The following CDNF variants were observed in gnomAD, a reference collection of about 807,000 sequenced individuals.
CDNF encodes cerebral dopamine neurotrophic factor.
In CDNF, 9 loss-of-function variants were observed where a neutral mutation model predicts 14.8. The observed-to-expected ratio is 0.61, with a 90% CI of 0.37 to 1.06. CDNF has a LOEUF of 1.06. CDNF is among the 50% of genes least tolerant of loss of function. The pLI, the probability that CDNF is intolerant of heterozygous loss-of-function variation, is 0.01. For synonymous variants in CDNF, 86 were observed against 87.2 expected (o/e 0.99, Z 0.07); for missense variants, 228 against 228.4 (o/e 1.00, Z 0.01).
intron 2 of CDNF, among the ~76,000 whole-genome samples, chr10:14,825,977 G>C (rs1262031144): frequency 6.6e-6 from 1 of 150,422 alleles, no homozygotes; most frequent in African/African-American, 2.4e-5. Flanking sequence ...AAGAAAAGAA[G>C]AAGAAGGAGA....
chr10:14,836,691 G>T (rs779449901), intron 1 of CDNF, among the ~76,000 whole-genome samples: 14 of 152,226 alleles, frequency 9.2e-5, no homozygotes, highest in Admixed American at 2.6e-4. Flanking sequence ...CAGCACTTTG[G>T]GAGGCTGAGG....
intron 2 of CDNF, among the ~76,000 whole-genome samples, chr10:14,826,035 A>AGAAGG (rs1588794841): frequency 1.2e-4 from 7 of 56,882 alleles, no homozygotes; most frequent in African/African-American, 4.6e-4. Flanking sequence ...GAAGGAGAAG[A>AGAAGG]AGAAGAAGAA....
intron 1 of CDNF, among the ~76,000 whole-genome samples, chr10:14,833,440 T>C (rs1237692931): frequency 6.6e-6 from 1 of 152,178 alleles, no homozygotes; most frequent in Non-Finnish European, 1.5e-5. Context: ...ACACTGCAGA[T>C]TTTGGACTTC....
rs369180357 is a variant in CDNF, at chr10:14,828,169, G to A, written c.219C>T (p.Asp73=). Residue 73 remains aspartate (D), a synonymous_variant, in exon 2 of 4, where the codon GAC becomes GAT. Coordinates refer to ENST00000465530, the MANE Select transcript of CDNF (RefSeq NM_001029954.3). ...IEKELISFCL[D]TKGKENRLCY... is the part of the protein sequence containing the mutation. ...CCAGGCGGTTTTCTTTTCCTTTGGT[G>A]TCCAAGCAAAAACTGATCAATTCTT... 2 of 1,613,886 alleles carry A rather than the reference G, an allele frequency of 1.2e-6. No individual in the cohort carries two copies. The highest frequency in any genetic ancestry group is 8.5e-7 in the Non-Finnish European group (1 of 1,179,918).
intron 2 of CDNF, among the ~76,000 whole-genome samples, chr10:14,826,029 GAGAAGAAGAAGA>G (rs57619992): frequency 0.059 from 5,079 of 86,002 alleles, 158 homozygotes; most frequent in Non-Finnish European, 0.075. Flanking sequence ...GAAGAAGAAG[GAGAAGAAGAAGA>G]AGAAGAAGAA....
At position 14,828,672 on chromosome 10, in the gene CDNF, G is replaced by A. The variant is rs142617346; in HGVS notation, c.116-400C>T. On this transcript the variant is annotated intron_variant, in intron 1 of 3. Coordinates refer to ENST00000465530, the MANE Select transcript of CDNF (RefSeq NM_001029954.3). ...CACACAAAAAAAGAAACGTCCATAT[G>A]AGTCAATGCTTCATGACAGTGGATT... 5.3e-5 allele frequency among the ~76,000 whole-genome samples: 8 copies of A among 150,670 alleles called. No homozygotes were observed. In the East Asian group the frequency reaches 1.4e-3, roughly 26 times the overall value.
chr10:14,835,396 G>C (rs1247365661), intron 1 of CDNF, among the ~76,000 whole-genome samples: 2 of 152,134 alleles, frequency 1.3e-5, no homozygotes, highest in African/African-American at 4.8e-5. Context: ...AAGGAGAAAA[G>C]CAGTATCATG....
intron 3 of CDNF, among the ~76,000 whole-genome samples, chr10:14,825,168 G>A (rs1280891120): frequency 8.9e-3 from 1 of 112 alleles, no homozygotes; most frequent in Admixed American, 0.056. Flanking sequence ...TATTGGCCAG[G>A]CTGGTACTTG....
chr10:14,823,985 C>A (rs933885273), intron 3 of CDNF, among the ~76,000 whole-genome samples: 1 of 152,184 alleles, frequency 6.6e-6, no homozygotes, highest in African/African-American at 2.4e-5. Flanking sequence ...AACTTTCAAC[C>A]TTAAACCTAC....
At chr10:14,826,436 A>G (rs909586002) in intron 2 of CDNF, among the ~76,000 whole-genome samples, 1 of 151,556 alleles carries the variant, frequency 6.6e-6, no homozygotes, top group Admixed American at 6.6e-5. Context: ...GCAGCAGAAG[A>G]AAGAAGCAGA....
chr10:14,829,088 G>A (rs927865849), intron 1 of CDNF, among the ~76,000 whole-genome samples: 1 of 151,992 alleles, frequency 6.6e-6, no homozygotes, highest in African/African-American at 2.4e-5. Flanking sequence ...TTTAGTATTG[G>A]GCCTAAATGC....
At position 14,825,464 on chromosome 10, in the gene CDNF, G is replaced by T. The variant is rs536621261; in HGVS notation, c.385+15C>A. On this transcript the variant is annotated intron_variant, in intron 3 of 3. Coordinates refer to ENST00000465530, the MANE Select transcript of CDNF (RefSeq NM_001029954.3). ...CCATTGGACCTACTGGGAAAAACAC[G>T]GGGCTGTGTTATACCATATTTCAGC... The T allele has an allele frequency of 1.2e-6, 2 of 1,609,338 alleles. No individual in the cohort carries two copies. Among genetic ancestry groups the T allele is most frequent in the South Asian group, 2.2e-5 (2 of 90,736 alleles).
rs1833715685 is a variant in CDNF at position 14,819,252 on chromosome 10, C to T, written c.*728G>A. The T allele has an allele frequency of 6.6e-6, 1 of 152,144 alleles. No homozygotes were observed. The highest frequency in any genetic ancestry group is 6.6e-5 in the Admixed American group (1 of 15,262). The allele number at this position is 152,144 out of a possible 1,614,324, so 9.4% of individuals were successfully genotyped here. A position where few individuals can be genotyped will look rare whatever the true frequency, so the allele number is the denominator to read the frequency against. On this transcript the variant is annotated 3_prime_UTR_variant, in exon 4 of 4. Transcript: ENST00000465530. ...AAATAGCATTAACAATGGTAAAGTT[C>T]CAAGTTGCCTATGAGTGTTTTTAAT...
intron 2 of CDNF, among the ~76,000 whole-genome samples, chr10:14,826,397 AAGC>A (rs1204172867): frequency 3.2e-4 from 49 of 151,498 alleles, no homozygotes; most frequent in African/African-American, 7.6e-4. Context: ...GAAGCAGAAG[AAGC>A]AGCAGCAGCA....
intron 1 of CDNF, among the ~76,000 whole-genome samples, 191 bp downstream of exon 1, chr10:14,837,641 C>T (rs1467331857): frequency 6.6e-6 from 1 of 152,240 alleles, no homozygotes; most frequent in African/African-American, 2.4e-5. Flanking sequence ...CACAACGTGG[C>T]CTCACGTTAC....
In CDNF at chr10:14,820,011, T is replaced by C; in HGVS notation, c.533A>G (p.Tyr178Cys). The C allele has an allele frequency of 6.2e-7, 1 of 1,614,088 alleles. No homozygotes were observed. Among genetic ancestry groups the C allele is most frequent in the Non-Finnish European group, 8.5e-7 (1 of 1,180,024 alleles). The change falls in exon 4 of 4, where the codon TAT (tyrosine) becomes TGT (cysteine). Residue 178 changes from tyrosine to cysteine, a missense_variant. By Grantham distance (194) the Tyr-to-Cys change is radical. Transcript: ENST00000465530. ...CTCTGTTTTGGGGTGTGTCGCTGCA[T>C]ACTTGGGGGCCAGCTCTTGAATGAG... ...VNLIQELAPKYAATHPKTEL is the reference protein window; with the variant it reads ...VNLIQELAPKCAATHPKTEL
intron 2 of CDNF, among the ~76,000 whole-genome samples, chr10:14,826,618 T>C (rs1325769240): frequency 6.6e-6 from 1 of 152,200 alleles, no homozygotes; most frequent in Non-Finnish European, 1.5e-5. Context: ...CCTAATTAGA[T>C]GTGCCCTACA....
rs192647068 is a variant in CDNF at position 14,832,737 on chromosome 10, C to T, written c.116-4465G>A. On this transcript the variant is annotated intron_variant, in intron 1 of 3. Transcript: ENST00000465530. ...GAGAGAGAGAGGAATCAAAGATAAT[C>T]CCAATAATTTTGGCCAAGAAACTGG... 5.8e-4 allele frequency among the ~76,000 whole-genome samples: 88 copies of T among 152,072 alleles called. No individual in the cohort carries two copies. In the East Asian group the frequency reaches 9.8e-3, roughly 17 times the overall value.
chr10:14,826,802 G>A (rs552269383), intron 2 of CDNF, among the ~76,000 whole-genome samples: 38 of 152,296 alleles, frequency 2.5e-4, no homozygotes, highest in Middle Eastern at 6.8e-3. Context: ...AAGGTCCCCA[G>A]ATCTAGCAAT....
Sources: allele counts gnomAD v4.1 joint callset (sites outside exome capture counted in the v4.1 genomes callset), GRCh38; gene constraint gnomAD v4.1.1; transcripts MANE v1.5; gene names NCBI Gene and HGNC (gene_info 2026-07-23, HGNC 2026-07-21).